The following PWWP2A variants were observed in gnomAD, a reference collection of about 807,000 sequenced individuals.
The protein encoded by PWWP2A is PWWP domain-containing protein 2A.
A neutral mutation model predicts 48.5 loss-of-function variants in PWWP2A; 18 were observed. That is an observed-to-expected ratio of 0.37 (90% CI 0.26 to 0.55). The LOEUF (loss-of-function observed/expected upper bound fraction) is 0.55, where lower values mean the gene tolerates loss of function less well. PWWP2A is among the 20% of genes least tolerant of loss of function. The pLI is 0.81. For missense variants in PWWP2A, 867 were observed against 976.4 expected, an observed-to-expected ratio of 0.89 and a Z score of 1.49; for synonymous variants, 396 against 387.7, an observed-to-expected ratio of 1.02 and a Z score of -0.25.
chr5:160,118,747 G>GCTCA, intron 1 of PWWP2A, 58 bp downstream of exon 1: 1 of 1,356,574 alleles, frequency 7.4e-7, no homozygotes, highest in Non-Finnish European at 9.5e-7. Context: ...GGCCGCCCGG[G>GCTCA]CTCACTCCCT....
chr5:160,049,539 C>A, the PWWP2A span: 1 of 1,579,450 alleles, frequency 6.3e-7, no homozygotes. Context: ...CCAGCTATAT[C>A]AGGGCAATAT....
rs1443552197 is a variant in PWWP2A, at chr5:160,119,014, CG to C, written c.374del (p.Pro125ArgfsTer15). The C allele has an allele frequency of 1.9e-6, 3 of 1,598,710 alleles. No individual in the cohort carries two copies. Among genetic ancestry groups the C allele is most frequent in the East Asian group, 2.3e-5 (1 of 43,646 alleles). ...GCGGCTCCTCGCGCTCCTCGGGAGC[CG>C]GGGGCTGCTCCGGCGGCGATGCAGG... ...PSPASPPEQPPAPEEREEPPL... is the reference protein window; with the variant it reads ...PSPASPPEQPXAPEEREEPPL... On this transcript the variant is annotated frameshift_variant, in exon 1 of 2. Coordinates refer to ENST00000307063, the MANE Select transcript of PWWP2A (RefSeq NM_001130864.2). LOFTEE classifies it high-confidence loss of function.
At chr5:160,050,626 AC>A in the PWWP2A span, among the ~76,000 whole-genome samples, 309 of 128,270 alleles carry the variant, frequency 2.4e-3, 1 homozygote, top group African/African-American at 8.3e-3. Context: ...GCCAAACAAA[AC>A]TTTTTTTTTT....
downstream of PWWP2A, among the ~76,000 whole-genome samples, chr5:160,074,983 AC>A (rs1753833711): frequency 6.6e-6 from 1 of 152,092 alleles, no homozygotes; most frequent in African/African-American, 2.4e-5. Context: ...GGAAAAATGA[AC>A]TTACGCTTTC....
the PWWP2A span, among the ~76,000 whole-genome samples, chr5:160,053,800 A>G: frequency 6.6e-6 from 1 of 152,176 alleles, no homozygotes; most frequent in Admixed American, 6.6e-5. Context: ...GTATTCTTTA[A>G]CTTGTTTTTT....
At position 160,093,828 on chromosome 5, in the gene PWWP2A, G is replaced by A. The variant is rs1251034333; in HGVS notation, c.822C>T (p.Pro274=). Residue 274 remains proline (P), a synonymous_variant, in exon 2 of 2, where the codon CCC becomes CCT. Transcript: ENST00000307063. The surrounding 1 kb of genome is among the most constrained non-coding windows in gnomAD (Gnocchi z 5.8). ...PLFHEGAPYP[P]PLFIRDTYNQ... ...TATATGTGTCCCTGATAAACAAAGGGGGAGGATAAGGTGCTCCTTCATGGA... is the reference window on the plus strand; with the variant it reads ...TATATGTGTCCCTGATAAACAAAGGAGGAGGATAAGGTGCTCCTTCATGGA... The A allele has an allele frequency of 1.9e-6, 3 of 1,614,036 alleles. No homozygotes were observed. In the East Asian group the frequency reaches 6.7e-5, roughly 36 times the overall value.
chr5:160,090,794 GT>G, downstream of PWWP2A: 5 of 975,998 alleles, frequency 5.1e-6, no homozygotes, highest in Non-Finnish European at 6.1e-6. Flanking sequence ...ATATCCAAAA[GT>G]TAAGACACAA....
At chr5:160,064,071 C>T (rs1184454467) in intron 4 of PWWP2A, among the ~76,000 whole-genome samples, 1 of 147,134 alleles carries the variant, frequency 6.8e-6, no homozygotes, top group Non-Finnish European at 1.5e-5. Flanking sequence ...CAGGTGCAAA[C>T]GATTGTCCTG....
At chr5:160,058,141 A>G (rs1031703051), downstream of PWWP2A, among the ~76,000 whole-genome samples, 1 of 152,202 alleles carries the variant, frequency 6.6e-6, no homozygotes, top group South Asian at 2.1e-4. Context: ...AGGAGATTCC[A>G]TCTCAAGAAA....
chr5:160,116,602 T>C (rs978930100), intron 1 of PWWP2A: 4 of 916,418 alleles, frequency 4.4e-6, no homozygotes, highest in African/African-American at 3.6e-5. Context: ...CAAAACTCAA[T>C]AGCAATTCTC....
chr5:160,091,861 A>G lies in PWWP2A; in HGVS notation c.*521T>C. On this transcript the variant is annotated 3_prime_UTR_variant, in exon 2 of 2. Coordinates refer to ENST00000307063, the MANE Select transcript of PWWP2A (RefSeq NM_001130864.2). ...AGGCTAAGTGTTCATTATTTAAAAA[A>G]CAAGTAGTCATTAAATATCCACTAT... The G allele has an allele frequency of 2.0e-6, 2 of 984,854 alleles. No individual in the cohort carries two copies. The highest frequency in any genetic ancestry group is 2.4e-6 in the Non-Finnish European group (2 of 829,622). 61.0% of individuals were successfully genotyped at this position (984,854 alleles called of 1,614,324 possible). A position where few individuals can be genotyped will look rare whatever the true frequency, so the allele number is the denominator to read the frequency against.
At chr5:160,082,492 A>G (rs1313109589) in intron 2 of PWWP2A, among the ~76,000 whole-genome samples, 1 of 152,202 alleles carries the variant, frequency 6.6e-6, no homozygotes, top group Non-Finnish European at 1.5e-5. Flanking sequence ...CTCTACAAGT[A>G]AAACTTGTTA....
chr5:160,065,098 G>A (rs773093791), intron 4 of PWWP2A: 1 of 1,600,756 alleles, frequency 6.2e-7, no homozygotes, highest in South Asian at 1.1e-5. Flanking sequence ...AGCTGACTTG[G>A]AATTGTGTGC....
intron 1 of PWWP2A, among the ~76,000 whole-genome samples, chr5:160,102,769 G>A (rs891083209): frequency 4.6e-5 from 7 of 152,122 alleles, no homozygotes; most frequent in South Asian, 4.1e-4. Flanking sequence ...GTGGTGTTCC[G>A]AGAACACAAC....
chr5:160,103,035 T>C (rs1756477209), intron 1 of PWWP2A, among the ~76,000 whole-genome samples: 1 of 152,238 alleles, frequency 6.6e-6, no homozygotes, highest in African/African-American at 2.4e-5. Flanking sequence ...ATAGTTTTCC[T>C]TTGATCTTAG....
In PWWP2A at chr5:160,108,989, T is replaced by C. The variant is rs1486226203; in HGVS notation, c.584+9816A>G. Among the ~76,000 whole-genome samples, 4 of 152,304 alleles carry C rather than the reference T, an allele frequency of 2.6e-5. No individual in the cohort carries two copies. In the East Asian group the frequency reaches 7.7e-4, roughly 29 times the overall value. On this transcript the variant is annotated intron_variant, in intron 1 of 1. Transcript: ENST00000307063. ...CACCATGCCCAGCCACACAAGTTTT[T>C]ATTTTTTGTCTTCAGATAGAGTCTC...
intron 1 of PWWP2A, among the ~76,000 whole-genome samples, chr5:160,099,028 C>G (rs1188898916): frequency 4.6e-5 from 7 of 152,184 alleles, no homozygotes; most frequent in African/African-American, 1.7e-4. Context: ...GGAGTGTTTG[C>G]AGTGGAAATT....
downstream of PWWP2A, chr5:160,090,537 T>C (rs530020005): frequency 1.1e-5 from 11 of 984,042 alleles, no homozygotes; most frequent in South Asian, 3.8e-4. Flanking sequence ...TCTACTCAAG[T>C]GAAACATGTT....
Position 160,109,768 on chromosome 5 carries a change from AAAAAAAATATATATAT to A in PWWP2A, c.584+9021_584+9036del, listed in dbSNP as rs1328887610. 2.3e-4 allele frequency among the ~76,000 whole-genome samples: 12 copies of A among 52,798 alleles called. No homozygotes were observed. In the South Asian group the frequency reaches 3.7e-3, roughly 16 times the overall value. 34.6% of individuals were successfully genotyped at this position (52,798 alleles called of 152,430 possible). A position where few individuals can be genotyped will look rare whatever the true frequency, so the allele number is the denominator to read the frequency against. ...GAGGATGCAACTGGGAAAAAAAAAA[AAAAAAAATATATATAT>A]ATATATATATATATATATATATATA... On this transcript the variant is annotated intron_variant, in intron 1 of 1. Transcript: ENST00000307063.
Sources: allele counts gnomAD v4.1 joint callset (sites outside exome capture counted in the v4.1 genomes callset), GRCh38; gene constraint gnomAD v4.1.1; non-coding constraint Gnocchi (gnomAD v3.1); transcripts MANE v1.5; gene names NCBI Gene and HGNC (gene_info 2026-07-23, HGNC 2026-07-21).